The following PCM1 variants were observed in gnomAD, a reference collection of about 807,000 sequenced individuals.
PCM1 encodes pericentriolar material 1, also known as pericentriolar material 1 protein.
PCM1 carries 157 observed loss-of-function variants against 241.9 expected under a neutral mutation model. The observed-to-expected ratio is 0.65, with a 90% CI of 0.57 to 0.74. The LOEUF is 0.74. PCM1 is among the 30% of genes least tolerant of loss of function. The pLI is 0.00. For missense variants in PCM1, 3,478 were observed against 2,360.1 expected, an observed-to-expected ratio of 1.47 and a Z score of -9.81; for synonymous variants, 1,085 against 784.9, an observed-to-expected ratio of 1.38 and a Z score of -6.39.
intron 6 of PCM1, 64 bp from the exon 7 acceptor site, chr8:17,947,122 A>G: frequency 9.9e-7 from 1 of 1,010,592 alleles, no homozygotes; most frequent in Non-Finnish European, 1.5e-6. Flanking sequence ...TTTGCCATTG[A>G]TAATTGAAAC....
At chr8:17,960,766 C>T (rs750763129) in intron 15 of PCM1, among the ~76,000 whole-genome samples, 1 of 151,936 alleles carries the variant, frequency 6.6e-6, no homozygotes, top group Non-Finnish European at 1.5e-5. Flanking sequence ...CCTCGTGATT[C>T]GCCCGTCTCA....
chr8:18,011,235 A>T lies in PCM1; in HGVS notation c.5221-2A>T. ...TAATTACTCAAATATTTTTGTGTCT[A>T]GGACAAGGATGAAACTGAAACAGTT... On this transcript the variant is annotated splice_acceptor_variant, in intron 32 of 38. Coordinates refer to ENST00000325083, the MANE Select transcript of PCM1 (RefSeq NM_006197.4). LOFTEE classifies it high-confidence loss of function. 1 of 1,596,038 alleles carries T rather than the reference A, an allele frequency of 6.3e-7. No homozygotes were observed. The highest frequency in any genetic ancestry group is 8.5e-7 in the Non-Finnish European group (1 of 1,171,178).
At chr8:17,923,790 A>T (rs560537749) in intron 1 of PCM1, among the ~76,000 whole-genome samples, 1 of 151,552 alleles carries the variant, frequency 6.6e-6, no homozygotes, top group Non-Finnish European at 1.5e-5. Flanking sequence ...TGGAGTAATT[A>T]TTGCCCCTTC....
chr8:17,952,224 A>AAAATAAAT (rs148620624), intron 8 of PCM1, among the ~76,000 whole-genome samples: 2,335 of 147,070 alleles, frequency 0.016, 18 homozygotes, highest in Admixed American at 0.019. Context: ...CTTTGTCTCA[A>AAAATAAAT]AAATAAATAA....
intron 23 of PCM1, among the ~76,000 whole-genome samples, chr8:17,974,857 G>GCACACA (rs60355433): frequency 0.03 from 4,030 of 133,320 alleles, 73 homozygotes; most frequent in South Asian, 0.053. Flanking sequence ...CCACTTTAAG[G>GCACACA]CACACACACA....
intron 21 of PCM1, 118 bp from the exon 22 acceptor site, chr8:17,969,459 A>AGTTTAATTAATT (rs2076137739): frequency 4.1e-6 from 3 of 735,426 alleles, no homozygotes; most frequent in Non-Finnish European, 6.5e-6. Context: ...TTTTTAATTA[A>AGTTTAATTAATT]CAGTTTTTTG....
chr8:17,928,748 C>T (rs2058005944), intron 2 of PCM1, among the ~76,000 whole-genome samples: 2 of 151,574 alleles, frequency 1.3e-5, no homozygotes, highest in South Asian at 4.2e-4. Context: ...TCTCCTGCCT[C>T]AGCCTCTCTT....
At chr8:18,011,133 G>T (rs1020281178) in intron 32 of PCM1, 104 bp from the exon 33 acceptor site, 9 of 731,444 alleles carry the variant, frequency 1.2e-5, no homozygotes, top group Admixed American at 1.2e-4. Context: ...ATGGTTCTTT[G>T]TATTTTTTAT....
Position 17,985,963 on chromosome 8 carries a change from T to C in PCM1, c.4286T>C (p.Ile1429Thr). ...TGATCTTATTTTCTTATTTAGGACA[T>C]AGTATCCAGACATATTTCTGAGAGC... ...RQRALYALQDIVSRHISESHE... is the reference protein window; with the variant it reads ...RQRALYALQDTVSRHISESHE... The change falls in exon 26 of 39, where the codon ATA (isoleucine) becomes ACA (threonine). Residue 1429 changes from isoleucine to threonine, a missense_variant. By Grantham distance (89) the Ile-to-Thr change is moderately conservative. Coordinates refer to ENST00000325083, the MANE Select transcript of PCM1 (RefSeq NM_006197.4). The C allele has an allele frequency of 6.5e-7, 1 of 1,538,126 alleles. No homozygotes were observed.
At chr8:17,992,630 T>TA (rs1554730828) in intron 28 of PCM1, among the ~76,000 whole-genome samples, 248 of 148,928 alleles carry the variant, frequency 1.7e-3, no homozygotes, top group African/African-American at 5.7e-3. Context: ...TTTTTTTTTT[T>TA]AATTTGAGCA....
intron 2 of PCM1, chr8:17,926,165 T>C (rs1668475639): frequency 6.6e-6 from 1 of 152,198 alleles, no homozygotes; most frequent in African/African-American, 2.4e-5. Flanking sequence ...TTATAAGATT[T>C]TCCTTTTAGC....
intron 28 of PCM1, among the ~76,000 whole-genome samples, chr8:17,993,129 T>G (rs745672888): frequency 6.6e-6 from 1 of 152,078 alleles, no homozygotes; most frequent in Non-Finnish European, 1.5e-5. Context: ...TTTGTTGCAT[T>G]TGCTTTTGGG....
At chr8:17,975,220 A>G (rs1156768923) in intron 23 of PCM1, among the ~76,000 whole-genome samples, 1 of 152,250 alleles carries the variant, frequency 6.6e-6, no homozygotes. Flanking sequence ...TTTGTTAGAA[A>G]AAAGGATTTT....
intron 2 of PCM1, among the ~76,000 whole-genome samples, chr8:17,928,612 C>A (rs566385057): frequency 1.7e-5 from 2 of 115,166 alleles, no homozygotes; most frequent in Admixed American, 1.8e-4. Flanking sequence ...TTTAGTATCT[C>A]CCTCTTTTTT....
chr8:17,940,028 C>G, intron 6 of PCM1, 167 bp downstream of exon 6: 1 of 1,500,270 alleles, frequency 6.7e-7, no homozygotes, highest in African/African-American at 1.4e-5. Context: ...ATTTATACCG[C>G]TAAAATATTT....
At chr8:17,972,224 A>C (rs375403069) in intron 22 of PCM1, 105 bp from the exon 23 acceptor site, 2 of 540,930 alleles carry the variant, frequency 3.7e-6, no homozygotes, top group South Asian at 5.2e-5. Flanking sequence ...GCCTGTTGAC[A>C]ATTTTATTCA....
At chr8:17,987,547 T>G (rs2129477529) in intron 26 of PCM1, among the ~76,000 whole-genome samples, 1 of 152,040 alleles carries the variant, frequency 6.6e-6, no homozygotes, top group African/African-American at 2.4e-5. Flanking sequence ...AATTTAAAGA[T>G]GCTGTACTAC....
At chr8:17,955,844 CAT>C (rs1379653455) in intron 10 of PCM1, 191 bp downstream of exon 10, 3 of 588,528 alleles carry the variant, frequency 5.1e-6, no homozygotes, top group East Asian at 2.8e-5. Flanking sequence ...TGTGATGTAA[CAT>C]AGTTTCTGTG....
chr8:17,993,574 C>A lies in PCM1; in HGVS notation c.4782C>A (p.Asp1594Glu). The A allele has an allele frequency of 6.3e-7, 1 of 1,596,022 alleles. No homozygotes were observed. Among genetic ancestry groups the A allele is most frequent in the South Asian group, 1.1e-5 (1 of 88,104 alleles). The change falls in exon 29 of 39, where the codon GAC becomes GAA. Residue 1594 changes from aspartate to glutamate, a missense_variant. Transcript: ENST00000325083. Reference protein sequence around the residue: ...PCPRIDTQQLDRQIKAIMKEV... With the variant: ...PCPRIDTQQLERQIKAIMKEV... ...CTAGAATTGATACTCAGCAGCTGGA[C>A]CGGCAAATTAAAGCAATTATGAAAG...
Sources: gnomAD v4.1 joint callset for allele counts (sites outside exome capture counted in the v4.1 genomes callset) on GRCh38, gnomAD v4.1.1 for gene constraint, MANE v1.5 for transcripts, NCBI Gene and HGNC (gene_info 2026-07-23, HGNC 2026-07-21) for gene names.